SPATA31C1: variants seen among roughly 807,000 people sequenced by gnomAD.
SPATA31C1 encodes SPATA31 subfamily C member 1, also known as spermatogenesis-associated protein 31C1.
At chr9:87,917,115 C>G (rs374536767) in intron 1 of SPATA31C1, among the ~76,000 whole-genome samples, 7,774 of 123,214 alleles carry the variant, frequency 0.063, 65 homozygotes, top group East Asian at 0.13. Flanking sequence ...CCCTTTGATT[C>G]AAAGTGAGAT....
At chr9:87,916,831 AC>A (rs1243450469) in intron 1 of SPATA31C1, among the ~76,000 whole-genome samples, 1 of 80,068 alleles carries the variant, frequency 1.2e-5, no homozygotes, top group African/African-American at 2.7e-5. Flanking sequence ...CCCAGTCTCT[AC>A]CAAAAATACA....
exon 5 of SPATA31C1, chr9:87,921,740 G>A (rs745868517): frequency 6.2e-7 from 1 of 1,611,940 alleles, no homozygotes; most frequent in Admixed American, 1.7e-5. Flanking sequence ...CTGTCAACCA[G>A]GCTTTTCCCG....
intron 1 of SPATA31C1, among the ~76,000 whole-genome samples, chr9:87,916,440 A>T (rs1302328308): frequency 7.7e-6 from 1 of 130,280 alleles, no homozygotes; most frequent in African/African-American, 3.0e-5. Flanking sequence ...CCTGTTAATA[A>T]AAAGACAGGG....
exon 5 of SPATA31C1, chr9:87,922,823 A>C (rs1444051126): frequency 1.9e-6 from 3 of 1,606,362 alleles, no homozygotes; most frequent in Non-Finnish European, 2.5e-6. Context: ...ACTTAGAAAA[A>C]CATGAAGAAA....
chr9:87,921,070 C>G, exon 5 of SPATA31C1: 3 of 1,611,450 alleles, frequency 1.9e-6, no homozygotes, highest in Non-Finnish European at 2.5e-6. Context: ...TGCCCTGCGT[C>G]GCAGAATAAA....
At chr9:87,922,189 G>C in exon 5 of SPATA31C1, 3 of 1,613,178 alleles carry the variant, frequency 1.9e-6, no homozygotes, top group Non-Finnish European at 2.5e-6. Flanking sequence ...AATGATCATG[G>C]GTCCTTGAAG....
chr9:87,915,700 T>G (rs1288515159), intron 1 of SPATA31C1, among the ~76,000 whole-genome samples: 3 of 143,362 alleles, frequency 2.1e-5, no homozygotes, highest in Non-Finnish European at 1.5e-5. Context: ...TGAACTGATA[T>G]TGCACTTTTT....
At chr9:87,920,316 G>A (rs781175504) in exon 5 of SPATA31C1, 13 of 1,613,844 alleles carry the variant, frequency 8.1e-6, no homozygotes, top group Admixed American at 1.7e-5. Flanking sequence ...CCCGCCAGGT[G>A]AGGTGGGCAA....
chr9:87,921,804 G>C lies in SPATA31C1; in HGVS notation n.2194G>C, dbSNP rs1400474142. ...TCTAGCAGCCCCGAAAAGTAGGAAA[G>C]CCTGTGTAAACACAGCCCAGGTGCT... On this transcript the variant is annotated non_coding_transcript_exon_variant, in exon 5 of 5. Transcript: ENST00000420021. 4 of 1,612,054 alleles carry C rather than the reference G, an allele frequency of 2.5e-6. No homozygotes were observed. The South Asian group carries it at 3.3e-5, about 13-fold the overall frequency.
At chr9:87,919,288 C>CAGCGTCATCTTGTCTCCT (rs778786861) in intron 2 of SPATA31C1, 1 of 1,599,336 alleles carries the variant, frequency 6.3e-7, no homozygotes, top group African/African-American at 1.3e-5. Context: ...TCTTGTCTCC[C>CAGCGTCATCTTGTCTCCT]AGTGTCCAAC....
upstream of SPATA31C1, among the ~76,000 whole-genome samples, chr9:87,913,944 TCTCAAAAAA>T (rs1828682319): frequency 1.0e-5 from 1 of 97,706 alleles, no homozygotes; most frequent in African/African-American, 3.6e-5. Context: ...AGGGACTCCG[TCTCAAAAAA>T]ATAAAAAAAA....
chr9:87,913,947 CA>C (rs534262155), upstream of SPATA31C1, among the ~76,000 whole-genome samples: 2,798 of 85,390 alleles, frequency 0.033, 24 homozygotes, highest in East Asian at 0.32. Flanking sequence ...GACTCCGTCT[CA>C]AAAAAATAAA....
At chr9:87,919,393 G>A (rs778247048) in intron 3 of SPATA31C1, 45 bp downstream of exon 2, 6 of 1,597,910 alleles carry the variant, frequency 3.8e-6, no homozygotes, top group Non-Finnish European at 4.3e-6. Context: ...GATCTCATCT[G>A]TCCGGGAGGG....
chr9:87,921,306 G>C, exon 5 of SPATA31C1: 1 of 1,612,022 alleles, frequency 6.2e-7, no homozygotes, highest in Non-Finnish European at 8.5e-7. Flanking sequence ...GGGGCAACGT[G>C]GAAGGATCCA....
exon 5 of SPATA31C1, chr9:87,921,516 G>A (rs754639669): frequency 2.1e-5 from 34 of 1,611,830 alleles, no homozygotes; most frequent in Non-Finnish European, 2.9e-5. Context: ...TCTATCCAGG[G>A]GCATGGAAAG....
At chr9:87,921,575 C>T (rs1478010078) in exon 5 of SPATA31C1, 1 of 1,611,986 alleles carries the variant, frequency 6.2e-7, no homozygotes, top group East Asian at 2.2e-5. Flanking sequence ...CAGAAAGGAA[C>T]CTGAGGAAGC....
chr9:87,921,788 C>T, exon 5 of SPATA31C1: 2 of 1,612,006 alleles, frequency 1.2e-6, no homozygotes, highest in Non-Finnish European at 1.7e-6. Context: ...ATCTAGCAGC[C>T]CCGAAAAGTA....
rs1422651281 is a variant in SPATA31C1 at position 87,916,033 on chromosome 9, T to A, written n.189+1323T>A. 1.4e-5 allele frequency among the ~76,000 whole-genome samples: 2 copies of A among 142,864 alleles called. 1 individual carries two copies. Among genetic ancestry groups the A allele is most frequent in the East Asian group, 4.3e-4 (2 of 4,614 alleles). The allele number at this position is 142,864 out of a possible 152,430, so 93.7% of individuals were successfully genotyped here. On this transcript the variant is annotated intron_variant and non_coding_transcript_variant, in intron 1 of 4. Transcript: ENST00000420021. Reference sequence around the variant, plus strand: ...ATCTCCAGTTTCCATATATTCAGGTTTCCCTCTGAATAGAAATTTTATAGC... The same window carrying A: ...ATCTCCAGTTTCCATATATTCAGGTATCCCTCTGAATAGAAATTTTATAGC...
chr9:87,922,096 C>G (rs528144196), exon 5 of SPATA31C1: 1 of 1,613,988 alleles, frequency 6.2e-7, no homozygotes, highest in South Asian at 1.1e-5. Flanking sequence ...ACCAAACCAT[C>G]TGTTCACATG....
Sources: allele counts gnomAD v4.1 joint callset (sites outside exome capture counted in the v4.1 genomes callset), GRCh38; gene constraint gnomAD v4.1.1; transcripts MANE v1.5; gene names NCBI Gene and HGNC (gene_info 2026-07-23, HGNC 2026-07-21).